FOXN3: variants seen among roughly 807,000 people sequenced by gnomAD.
The protein encoded by FOXN3 is forkhead box protein N3.
FOXN3 carries 7 observed loss-of-function variants against 38.4 expected under a neutral mutation model. That is an observed-to-expected ratio of 0.18 (90% CI 0.10 to 0.34). FOXN3 has a LOEUF of 0.34. Among genes scored for constraint, FOXN3 ranks in the 10% least tolerant of loss-of-function variants. The pLI, the probability that FOXN3 is intolerant of heterozygous loss-of-function variation, is 1.00. For synonymous variants in FOXN3, 230 were observed against 242.2 expected, an observed-to-expected ratio of 0.95 and a Z score of 0.47; for missense variants, 456 against 613.4, an observed-to-expected ratio of 0.74 and a Z score of 2.71.
chr14:89,407,641 G>A (rs571336089), intron 2 of FOXN3, among the ~76,000 whole-genome samples: 5 of 152,210 alleles, frequency 3.3e-5, no homozygotes, highest in African/African-American at 1.2e-4. Flanking sequence ...GGACCAGCCA[G>A]GGCAACATGG....
intron 3 of FOXN3, among the ~76,000 whole-genome samples, chr14:89,300,229 C>A (rs1393552415): frequency 4.3e-5 from 6 of 139,516 alleles, no homozygotes; most frequent in African/African-American, 1.4e-4. Flanking sequence ...GTCATCCAGG[C>A]TGGAGTGCAA....
intron 1 of FOXN3, among the ~76,000 whole-genome samples, chr14:89,598,651 AG>A: frequency 6.6e-6 from 1 of 152,162 alleles, no homozygotes; most frequent in Non-Finnish European, 1.5e-5. Flanking sequence ...TAGAATTTAT[AG>A]TTAATAGTTG....
At chr14:89,527,230 A>G (rs1894451802) in intron 1 of FOXN3, among the ~76,000 whole-genome samples, 1 of 152,250 alleles carries the variant, frequency 6.6e-6, no homozygotes, top group African/African-American at 2.4e-5. Flanking sequence ...CATATAAAAA[A>G]TGAATTCAAA....
At chr14:89,452,086 G>A (rs377404772) in intron 1 of FOXN3, among the ~76,000 whole-genome samples, 4 of 152,166 alleles carry the variant, frequency 2.6e-5, no homozygotes, top group East Asian at 1.9e-4. Context: ...AGTATCTTAC[G>A]TTCATACTAG....
At chr14:89,374,262 T>TC (rs1890404742) in intron 2 of FOXN3, among the ~76,000 whole-genome samples, 1 of 1,938 alleles carries the variant, frequency 5.2e-4, no homozygotes, top group Non-Finnish European at 1.4e-3. Context: ...AGACCTTGTC[T>TC]CAAAAAAAAA....
chr14:89,347,922 C>T (rs192870353), intron 3 of FOXN3, among the ~76,000 whole-genome samples: 91 of 151,444 alleles, frequency 6.0e-4, no homozygotes, highest in Middle Eastern at 6.8e-3. Context: ...CCGCTGCACT[C>T]CAGCCTGGAG....
intron 4 of FOXN3, among the ~76,000 whole-genome samples, chr14:89,280,433 T>C (rs1886423264): frequency 6.6e-6 from 1 of 151,886 alleles, no homozygotes; most frequent in South Asian, 2.1e-4. Flanking sequence ...TGGGGACCAA[T>C]GTAGGGTGAC....
At chr14:89,518,956 G>A (rs575643071) in intron 1 of FOXN3, among the ~76,000 whole-genome samples, 5 of 152,158 alleles carry the variant, frequency 3.3e-5, no homozygotes, top group Non-Finnish European at 5.9e-5. Flanking sequence ...TGGAGGTTGC[G>A]GTGGGCCGAG....
intron 1 of FOXN3, among the ~76,000 whole-genome samples, chr14:89,556,649 G>A (rs1400784458): frequency 6.6e-6 from 1 of 152,254 alleles, no homozygotes; most frequent in East Asian, 1.9e-4. Flanking sequence ...CTCCCAGGAG[G>A]GCAAAGAATG....
At chr14:89,401,686 A>T (rs1396203340) in intron 2 of FOXN3, 1 of 455,712 alleles carries the variant, frequency 2.2e-6, no homozygotes, top group Non-Finnish European at 4.4e-6. Flanking sequence ...AAAACAAAGC[A>T]TGTGCACATG....
At chr14:89,461,042 G>C (rs571470280) in intron 1 of FOXN3, among the ~76,000 whole-genome samples, 4 of 136,288 alleles carry the variant, frequency 2.9e-5, no homozygotes, top group African/African-American at 8.4e-5. Flanking sequence ...AAAAAAAGGG[G>C]GGGGGAGGGG....
chr14:89,223,770 C>A (rs1446345440), intron 4 of FOXN3, among the ~76,000 whole-genome samples: 1 of 152,198 alleles, frequency 6.6e-6, no homozygotes, highest in South Asian at 2.1e-4. Context: ...GGAAGCAGGT[C>A]TTTCCATGCT....
intron 2 of FOXN3, among the ~76,000 whole-genome samples, chr14:89,371,886 C>T (rs1490875417): frequency 6.6e-6 from 1 of 152,170 alleles, no homozygotes; most frequent in Admixed American, 6.5e-5. Context: ...CATCTATTAT[C>T]TGCTCTTCTC....
Position 89,555,838 on chromosome 14 carries a change from G to GGTGTGT in FOXN3, c.-15+63184_-15+63189dup, listed in dbSNP as rs201016882. On this transcript the variant is annotated intron_variant, in intron 1 of 6. Coordinates refer to the FOXN3 transcript ENST00000345097. ...TCATAAAGCTTACCTTCTAGTTCAT[G>GGTGTGT]GTGTGTGTGTGTGTGTGTGTGTGTG... 7.1e-3 allele frequency among the ~76,000 whole-genome samples: 638 copies of GGTGTGT among 89,688 alleles called. 21 individuals carry two copies. The highest frequency in any genetic ancestry group is 0.018 in the African/African-American group (607 of 33,232). 58.8% of individuals were successfully genotyped at this position (89,688 alleles called of 152,430 possible).
chr14:89,262,279 G>A (rs1482752154), intron 4 of FOXN3, among the ~76,000 whole-genome samples: 3 of 152,188 alleles, frequency 2.0e-5, no homozygotes, highest in Admixed American at 6.5e-5. Context: ...TGAGGATGGG[G>A]CCAGCTAGGT....
chr14:89,443,950 A>G (rs964125703), intron 1 of FOXN3, among the ~76,000 whole-genome samples: 3 of 143,074 alleles, frequency 2.1e-5, no homozygotes, highest in Non-Finnish European at 4.5e-5. Context: ...TGGAGGTTGC[A>G]GTGAGCCAAG....
chr14:89,511,191 TTTC>T (rs1271121149), intron 1 of FOXN3, among the ~76,000 whole-genome samples: 1 of 9,080 alleles, frequency 1.1e-4, no homozygotes, highest in African/African-American at 1.9e-4. Flanking sequence ...CTTTCTTTCT[TTTC>T]TTTCTTTCTT....
At chr14:89,614,730 A>C (rs2139960236) in intron 1 of FOXN3, among the ~76,000 whole-genome samples, 1 of 152,334 alleles carries the variant, frequency 6.6e-6, no homozygotes, top group South Asian at 2.1e-4. Flanking sequence ...TAGTTCCCTC[A>C]GAGCAGCTCT....
chr14:89,414,551 G>GTTTTT (rs748504239), intron 1 of FOXN3, among the ~76,000 whole-genome samples: 1 of 122,906 alleles, frequency 8.1e-6, no homozygotes, highest in South Asian at 2.7e-4. Context: ...GGCCCAACCG[G>GTTTTT]TTTTTTTTTT....
Sources: allele counts gnomAD v4.1 joint callset (sites outside exome capture counted in the v4.1 genomes callset), GRCh38; gene constraint gnomAD v4.1.1; transcripts MANE v1.5; gene names NCBI Gene and HGNC (gene_info 2026-07-23, HGNC 2026-07-21).